Variants in SGCD observed in about 807,000 individuals in gnomAD.
The protein encoded by SGCD is sarcoglycan delta.
A neutral mutation model predicts 36.6 loss-of-function variants in SGCD; 18 were observed. The observed-to-expected ratio is 0.49, with a 90% CI of 0.34 to 0.73. The LOEUF (loss-of-function observed/expected upper bound fraction) is 0.73, where lower values mean the gene tolerates loss of function less well. Among genes scored for constraint, SGCD ranks in the 30% least tolerant of loss-of-function variants. The pLI is 0.01. For synonymous variants in SGCD, 133 were observed against 130.6 expected (o/e 1.02, Z -0.12); for missense variants, 387 against 346.7 (o/e 1.12, Z -0.92).
chr5:155,988,528 T>C (rs1454112525), intron 1 of SGCD, among the ~76,000 whole-genome samples: 1 of 152,196 alleles, frequency 6.6e-6, no homozygotes, highest in Non-Finnish European at 1.5e-5. Flanking sequence ...AGACAACTAA[T>C]AGTGCCAGCC....
chr5:156,640,361 T>C (rs1380267532), intron 6 of SGCD, among the ~76,000 whole-genome samples: 1 of 138,684 alleles, frequency 7.2e-6, no homozygotes, highest in East Asian at 1.9e-4. Flanking sequence ...TTCTTTTGCT[T>C]CCCAAGAACC....
intron 1 of SGCD, among the ~76,000 whole-genome samples, chr5:155,954,508 C>T (rs1757607703): frequency 6.6e-6 from 1 of 151,132 alleles, no homozygotes. Context: ...CAATTCTTAG[C>T]ACCCCATCTG....
At chr5:155,876,844 A>C (rs1433614100) in intron 1 of SGCD, among the ~76,000 whole-genome samples, 1 of 152,118 alleles carries the variant, frequency 6.6e-6, no homozygotes, top group African/African-American at 2.4e-5. Flanking sequence ...ACTGTGCTTC[A>C]ATGAGAAGAT....
At chr5:155,974,495 C>A (rs1267277787) in intron 1 of SGCD, among the ~76,000 whole-genome samples, 1 of 151,896 alleles carries the variant, frequency 6.6e-6, no homozygotes, top group Non-Finnish European at 1.5e-5. Context: ...TCACAATCCA[C>A]AGGGTATCCA....
chr5:156,552,978 C>T (rs1353665276), intron 4 of SGCD, among the ~76,000 whole-genome samples: 1 of 152,142 alleles, frequency 6.6e-6, no homozygotes, highest in Non-Finnish European at 1.5e-5. Context: ...TTCCTTGGCT[C>T]ATGATTCTGA....
chr5:156,441,088 T>C (rs1220690615), intron 3 of SGCD, among the ~76,000 whole-genome samples: 1 of 152,142 alleles, frequency 6.6e-6, no homozygotes, highest in African/African-American at 2.4e-5. Flanking sequence ...AACTTTAATA[T>C]TGTGATTTTA....
intron 1 of SGCD, among the ~76,000 whole-genome samples, chr5:156,048,100 G>A (rs1759819607): frequency 1.3e-5 from 2 of 152,180 alleles, no homozygotes; most frequent in South Asian, 4.1e-4. Context: ...GCAATTGTTT[G>A]CTGAGAATGA....
chr5:155,753,674 T>A, the SGCD span, among the ~76,000 whole-genome samples: 1 of 152,150 alleles, frequency 6.6e-6, no homozygotes, highest in African/African-American at 2.4e-5. Context: ...TAGAGAGGAA[T>A]GTCTCCCATT....
chr5:156,474,670 T>A (rs528409187), intron 3 of SGCD, among the ~76,000 whole-genome samples: 2 of 152,182 alleles, frequency 1.3e-5, no homozygotes, highest in African/African-American at 4.8e-5. Context: ...AATCTAGAGA[T>A]GTGCCTGCTC....
chr5:156,493,811 A>G (rs1756050128), intron 3 of SGCD, among the ~76,000 whole-genome samples: 1 of 152,138 alleles, frequency 6.6e-6, no homozygotes, highest in South Asian at 2.1e-4. Context: ...TTTCTTCAGT[A>G]GGTTGTAATA....
the SGCD span, among the ~76,000 whole-genome samples, chr5:155,861,920 A>T: frequency 6.6e-6 from 1 of 152,146 alleles, no homozygotes; most frequent in Non-Finnish European, 1.5e-5. Flanking sequence ...TGCTTTACAG[A>T]AGAGTCCCAT....
At chr5:155,951,109 C>T (rs900683898) in intron 1 of SGCD, among the ~76,000 whole-genome samples, 4 of 152,068 alleles carry the variant, frequency 2.6e-5, no homozygotes, top group African/African-American at 4.8e-5. Context: ...ACACAAGATG[C>T]GGATTTCACA....
At chr5:156,693,382 GAGA>G (rs1412565389) in intron 7 of SGCD, among the ~76,000 whole-genome samples, 1 of 152,100 alleles carries the variant, frequency 6.6e-6, no homozygotes, top group Non-Finnish European at 1.5e-5. Context: ...ACTGCCTATA[GAGA>G]AGGAGACCAG....
Position 155,888,369 on chromosome 5 carries a change from G to A in SGCD, c.-282+17945G>A, listed in dbSNP as rs1756052407. Among the ~76,000 whole-genome samples the A allele has an allele frequency of 4.6e-5, 7 of 152,140 alleles. No individual in the cohort carries two copies. In the South Asian group the frequency reaches 1.5e-3, roughly 32 times the overall value. On this transcript the variant is annotated intron_variant, in intron 1 of 9. Coordinates refer to the SGCD transcript ENST00000517913. ...TGCTGTCCAGTATTCTCATGTTCCT[G>A]TATAGGAGGAGAAATATCTTTTATT...
At chr5:156,297,732 A>C (rs940086960) in intron 3 of SGCD, among the ~76,000 whole-genome samples, 1 of 151,896 alleles carries the variant, frequency 6.6e-6, no homozygotes, top group African/African-American at 2.4e-5. Flanking sequence ...GCACATGTAT[A>C]CCTATGTAAC....
chr5:156,313,978 A>G (rs1459009038), intron 3 of SGCD, among the ~76,000 whole-genome samples: 1 of 151,972 alleles, frequency 6.6e-6, no homozygotes, highest in Non-Finnish European at 1.5e-5. Flanking sequence ...ACCTTTTTAT[A>G]CGTCCTGAAA....
At chr5:155,836,470 A>AC in the SGCD span, among the ~76,000 whole-genome samples, 797 of 87,306 alleles carry the variant, frequency 9.1e-3, 1 homozygote, top group African/African-American at 0.039. Context: ...TCTGATACCC[A>AC]CCCCCGCCCC....
chr5:156,392,306 C>A (rs1771614287), intron 3 of SGCD, among the ~76,000 whole-genome samples: 1 of 152,182 alleles, frequency 6.6e-6, no homozygotes, highest in Admixed American at 6.5e-5. Context: ...TCTGGTGGGA[C>A]AAGAAGACAC....
intron 5 of SGCD, 73 bp from the exon 6 acceptor site, chr5:156,594,859 T>G: frequency 7.8e-5 from 78 of 994,526 alleles, no homozygotes; most frequent in Non-Finnish European, 1.1e-4. Context: ...GTCAAAGCGA[T>G]GAGACTAATG....
Sources: gnomAD v4.1 joint callset for allele counts (sites outside exome capture counted in the v4.1 genomes callset) on GRCh38, gnomAD v4.1.1 for gene constraint, MANE v1.5 for transcripts, NCBI Gene and HGNC (gene_info 2026-07-23, HGNC 2026-07-21) for gene names.